Variants in GALNT13 observed in about 807,000 individuals in gnomAD.
GALNT13 encodes UDP-GalNAc:polypeptide N-acetylgalactosaminyltransferase 13.
Under a neutral mutation model 64.2 loss-of-function variants are expected in GALNT13, and 28 were observed. The ratio of observed to expected loss-of-function variants is 0.44; its 90% CI spans 0.32 to 0.60. GALNT13 has a LOEUF of 0.60. Ranked by LOEUF, GALNT13 falls within the 20% of genes least tolerant of loss-of-function variation. The probability of loss-of-function intolerance (pLI) is 0.05; values close to 1 mark genes in which losing one functional copy is unlikely to be tolerated. For synonymous variants in GALNT13, 214 were observed against 224.6 expected, an observed-to-expected ratio of 0.95 and a Z score of 0.42; for missense variants, 577 against 669.8, an observed-to-expected ratio of 0.86 and a Z score of 1.53.
At chr2:153,261,031 G>C in the GALNT13 span, among the ~76,000 whole-genome samples, 3 of 152,160 alleles carry the variant, frequency 2.0e-5, no homozygotes, top group South Asian at 6.2e-4. Flanking sequence ...TTCAAATTCA[G>C]AATTTCTGCT....
the GALNT13 span, among the ~76,000 whole-genome samples, chr2:153,682,291 T>A: frequency 6.6e-6 from 1 of 151,884 alleles, no homozygotes; most frequent in African/African-American, 2.4e-5. Context: ...CTCCTGCTGA[T>A]TTCGATTACC....
intron 3 of GALNT13, among the ~76,000 whole-genome samples, chr2:154,082,776 A>G (rs1257690540): frequency 6.6e-6 from 1 of 151,786 alleles, no homozygotes; most frequent in Non-Finnish European, 1.5e-5. Flanking sequence ...GTTTCTTGAA[A>G]ATTTGTTTAA....
chr2:153,742,636 G>A, the GALNT13 span, among the ~76,000 whole-genome samples: 1 of 151,942 alleles, frequency 6.6e-6, no homozygotes, highest in East Asian at 1.9e-4. Flanking sequence ...ATGTCCACAT[G>A]TAATTTAGCT....
intron 4 of GALNT13, among the ~76,000 whole-genome samples, chr2:154,236,671 T>A (rs1689209387): frequency 6.6e-6 from 1 of 152,098 alleles, no homozygotes; most frequent in African/African-American, 2.4e-5. Context: ...AAATTGCTAT[T>A]GCCATCTGCC....
chr2:153,793,052 A>G, the GALNT13 span, among the ~76,000 whole-genome samples: 1 of 149,942 alleles, frequency 6.7e-6, no homozygotes, highest in Non-Finnish European at 1.5e-5. Flanking sequence ...GCTCACTGCA[A>G]TCTCTGCCTC....
the GALNT13 span, among the ~76,000 whole-genome samples, chr2:153,497,987 G>A: frequency 6.6e-6 from 1 of 152,216 alleles, no homozygotes; most frequent in Non-Finnish European, 1.5e-5. Flanking sequence ...GAGTTCAGAA[G>A]AATTCATTTT....
the GALNT13 span, among the ~76,000 whole-genome samples, chr2:153,787,841 C>T: frequency 6.6e-6 from 1 of 152,224 alleles, no homozygotes; most frequent in Admixed American, 6.5e-5. Context: ...GAGGAGGAAT[C>T]TCAGAACTTG....
chr2:153,619,218 G>A, the GALNT13 span, among the ~76,000 whole-genome samples: 1 of 151,814 alleles, frequency 6.6e-6, no homozygotes, highest in Non-Finnish European at 1.5e-5. Flanking sequence ...ATTACCATGA[G>A]GCTTGTTAAT....
chr2:154,205,381 G>A (rs1358108629), intron 4 of GALNT13, among the ~76,000 whole-genome samples: 1 of 152,144 alleles, frequency 6.6e-6, no homozygotes, highest in Non-Finnish European at 1.5e-5. Flanking sequence ...CTGAGCAATT[G>A]AAATGTTGCT....
chr2:153,502,113 T>G, the GALNT13 span, among the ~76,000 whole-genome samples: 4 of 152,208 alleles, frequency 2.6e-5, no homozygotes, highest in Non-Finnish European at 4.4e-5. Flanking sequence ...TAATAGGTTT[T>G]TGGGGGAACA....
the GALNT13 span, among the ~76,000 whole-genome samples, chr2:153,081,521 C>G: frequency 6.6e-6 from 1 of 152,150 alleles, no homozygotes; most frequent in Non-Finnish European, 1.5e-5. Flanking sequence ...CCTCCCACTA[C>G]TCTTCCCAGC....
chr2:154,431,763 C>T (rs1313029413), intron 11 of GALNT13, among the ~76,000 whole-genome samples: 1 of 152,146 alleles, frequency 6.6e-6, no homozygotes, highest in Non-Finnish European at 1.5e-5. Flanking sequence ...AGGTTTTTCC[C>T]ATGTTGTTCT....
intron 3 of GALNT13, among the ~76,000 whole-genome samples, chr2:154,068,593 A>G (rs1700587774): frequency 6.6e-6 from 1 of 151,940 alleles, no homozygotes; most frequent in South Asian, 2.1e-4. Flanking sequence ...TGAATTGGAG[A>G]TCATTATGTT....
chr2:154,447,433 A>T (rs1701649386), intron 12 of GALNT13, among the ~76,000 whole-genome samples: 1 of 151,972 alleles, frequency 6.6e-6, no homozygotes. Flanking sequence ...AGCAAGCAAT[A>T]AAATGAATCA....
chr2:154,261,265 G>C (rs1224731905), intron 8 of GALNT13, among the ~76,000 whole-genome samples: 1 of 152,066 alleles, frequency 6.6e-6, no homozygotes, highest in Non-Finnish European at 1.5e-5. Flanking sequence ...GGATTATTAG[G>C]AAATAAAATA....
chr2:153,514,998 G>T, the GALNT13 span, among the ~76,000 whole-genome samples: 1 of 152,076 alleles, frequency 6.6e-6, no homozygotes, highest in African/African-American at 2.4e-5. Context: ...TCCCACCCAA[G>T]ACCCCTAAGG....
the GALNT13 span, among the ~76,000 whole-genome samples, chr2:153,077,159 C>T: frequency 6.6e-6 from 1 of 151,946 alleles, no homozygotes; most frequent in Admixed American, 6.6e-5. Context: ...GCCATGTTGG[C>T]CACGCTGGTC....
At chr2:154,200,467 A>G (rs1687114417) in intron 4 of GALNT13, among the ~76,000 whole-genome samples, 4 of 152,176 alleles carry the variant, frequency 2.6e-5, no homozygotes, top group Non-Finnish European at 5.9e-5. Context: ...ACAAAATATC[A>G]TAGACTAATT....
chr2:154,364,360 T>C (rs111274974), intron 9 of GALNT13, among the ~76,000 whole-genome samples: 3,145 of 152,296 alleles, frequency 0.021, 41 homozygotes, highest in Middle Eastern at 0.054. Flanking sequence ...ATATCACTTA[T>C]CCTGTAGGAA....
Sources: allele counts gnomAD v4.1 joint callset (sites outside exome capture counted in the v4.1 genomes callset), GRCh38; gene constraint gnomAD v4.1.1; transcripts MANE v1.5; gene names NCBI Gene and HGNC (gene_info 2026-07-23, HGNC 2026-07-21).